The following ADAD2 variants were observed in gnomAD, a reference collection of about 807,000 sequenced individuals.
ADAD2 encodes adenosine deaminase domain containing 2, also known as adenosine deaminase domain-containing protein 2.
Under a neutral mutation model 54.5 loss-of-function variants are expected in ADAD2, and 60 were observed. That is an observed-to-expected ratio of 1.10 (90% CI 0.89 to 1.36). The LOEUF (loss-of-function observed/expected upper bound fraction) is 1.36. ADAD2 is among the 40% of genes most tolerant of loss of function. The probability of loss-of-function intolerance (pLI) is 0.00; values close to 1 mark genes in which losing one functional copy is unlikely to be tolerated. For synonymous variants in ADAD2, 543 were observed against 366.2 expected, an observed-to-expected ratio of 1.48 and a Z score of -5.51; for missense variants, 1,103 against 801.3, an observed-to-expected ratio of 1.38 and a Z score of -4.54.
Position 84,195,345 on chromosome 16 carries a change from T to C in ADAD2, c.783T>C (p.Ala261=). The change falls in exon 5 of 10, where the codon GCT becomes GCC. Residue 261 remains alanine, a synonymous_variant. Coordinates refer to ENST00000315906, the MANE Select transcript of ADAD2 (RefSeq NM_001145400.2). The stretch of plus-strand genomic sequence containing the variant: ...TGAAGGAGATCTACAAGCTGGTGGC[T>C]CTGGGCACCGGCAGCAGCTGCTGTG... The part of the protein sequence containing the change: ...GHVKEIYKLV[A]LGTGSSCCAG... 1 of 1,610,342 alleles carries C rather than the reference T, an allele frequency of 6.2e-7. No individual in the cohort carries two copies. Among genetic ancestry groups the C allele is most frequent in the South Asian group, 1.1e-5 (1 of 91,034 alleles).
chr16:84,194,909 G>A, intron 2 of ADAD2, 24 bp from the exon 3 acceptor site: 1 of 1,587,846 alleles, frequency 6.3e-7, no homozygotes, highest in Non-Finnish European at 8.6e-7. Flanking sequence ...ACCCACACCA[G>A]CCCGCCCTCC....
In ADAD2 at chr16:84,191,592, C is replaced by T. The variant is rs529653331; in HGVS notation, c.362C>T (p.Thr121Met). 2.0e-4 allele frequency: 303 copies of T among 1,550,958 alleles called. 6 individuals carry two copies. The South Asian group carries it at 3.4e-3, about 17-fold the overall frequency. ...GCCAGCCAGGCCGTGTCCTTGCTCA[C>T]GGAGTACGCGGCCAGCCTGGGCATC... ...PPASQAVSLL[T>M]EYAASLGIFL... is the part of the protein sequence containing the mutation. The change falls in exon 1 of 10, where the codon ACG becomes ATG. Residue 121 changes from threonine to methionine, a missense_variant. Coordinates refer to ENST00000315906, the MANE Select transcript of ADAD2 (RefSeq NM_001145400.2).
At chr16:84,191,846 C>G in intron 1 of ADAD2, 198 bp downstream of exon 1, 2 of 769,218 alleles carry the variant, frequency 2.6e-6, no homozygotes. Context: ...GGATCACCAG[C>G]CACACCAGAT....
intron 1 of ADAD2, chr16:84,193,349 T>G (rs1410837080): frequency 1.3e-5 from 2 of 152,238 alleles, no homozygotes; most frequent in African/African-American, 4.8e-5. Context: ...AAACAGTTCC[T>G]GTCTTTGTCT....
chr16:84,196,485 G>GCTCAACCCCTTCC, intron 8 of ADAD2, 115 bp downstream of exon 8: 1 of 1,544,670 alleles, frequency 6.5e-7, no homozygotes, highest in Non-Finnish European at 8.7e-7. Flanking sequence ...CAACCCCTTC[G>GCTCAACCCCTTCC]CTCAACCCCT....
chr16:84,195,954 G>A lies in ADAD2; in HGVS notation c.1192G>A (p.Asp398Asn), dbSNP rs2089724046. Reference protein sequence around the residue: ...DTHVGCLSASDKLARWAVLGL... With the variant: ...DTHVGCLSASNKLARWAVLGL... ...CCACGTGGGCTGCCTGTCAGCCAGT[G>A]ACAAGCTGGCACGCTGGGCCGTGCT... The change falls in exon 7 of 10, where the codon GAC (aspartate) becomes AAC (asparagine). Residue 398 changes from aspartate (D) to asparagine (N), a missense_variant. Transcript: ENST00000315906. The A allele has an allele frequency of 1.9e-6, 3 of 1,599,160 alleles. No individual in the cohort carries two copies. Among genetic ancestry groups the A allele is most frequent in the South Asian group, 1.1e-5 (1 of 91,036 alleles).
rs1338917663 is a variant in ADAD2 at position 84,196,209 on chromosome 16, G to T, written c.1365G>T (p.Leu455=). The part of the protein sequence containing the change: ...PCLDSVLGPC[L]PPPYVRTALH... Reference sequence around the variant, plus strand: ...TGGACAGTGTCCTGGGGCCATGCCTGCCACCTCCCTACGTCCGGACCGCCC... The same window carrying T: ...TGGACAGTGTCCTGGGGCCATGCCTTCCACCTCCCTACGTCCGGACCGCCC... Residue 455 remains leucine (L), a synonymous_variant, in exon 8 of 10, where the codon CTG becomes CTT. Transcript: ENST00000315906. The T allele has an allele frequency of 6.2e-7, 1 of 1,610,366 alleles. No individual in the cohort carries two copies. Among genetic ancestry groups the T allele is most frequent in the Non-Finnish European group, 8.5e-7 (1 of 1,179,898 alleles).
At chr16:84,194,912 C>T (rs372045898) in intron 2 of ADAD2, 21 bp from the exon 3 acceptor site, 250 of 1,589,664 alleles carry the variant, frequency 1.6e-4, no homozygotes, top group Admixed American at 8.2e-4. Context: ...CACACCAGCC[C>T]GCCCTCCTTG....
At chr16:84,194,029 C>T (rs747683078) in intron 1 of ADAD2, 2 of 1,601,364 alleles carry the variant, frequency 1.2e-6, no homozygotes, top group Non-Finnish European at 1.7e-6. Flanking sequence ...ATATAGAGCC[C>T]CTGGAGGAGA....
At position 84,195,983 on chromosome 16, in the gene ADAD2, G is replaced by A. The variant is rs1301311791; in HGVS notation, c.1221G>A (p.Gly407=). Residue 407 remains glycine (G), a synonymous_variant, in exon 7 of 10, where the codon GGG becomes GGA. Transcript: ENST00000315906. The part of the protein sequence containing the change: ...SDKLARWAVL[G]LGGALLAHLV... ...AGCTGGCACGCTGGGCCGTGCTGGG[G>A]CTGGGTGGTGCCCTGCTGGCCCACC... is the stretch of plus-strand genomic sequence containing the variant. 1.9e-6 allele frequency: 3 copies of A among 1,598,744 alleles called. No individual in the cohort carries two copies. Among genetic ancestry groups the A allele is most frequent in the East Asian group, 2.2e-5 (1 of 44,854 alleles).
At chr16:84,191,782 C>A in intron 1 of ADAD2, 134 bp downstream of exon 1, 2 of 1,351,052 alleles carry the variant, frequency 1.5e-6, no homozygotes, top group Non-Finnish European at 2.0e-6. Flanking sequence ...GGAGCAGGAC[C>A]TGGCCTGAGC....
chr16:84,191,437 TG>T lies in ADAD2; in HGVS notation c.211del (p.Ala71GlnfsTer77). 1 of 1,512,746 alleles carries T rather than the reference TG, an allele frequency of 6.6e-7. No homozygotes were observed. Among genetic ancestry groups the T allele is most frequent in the Admixed American group, 2.3e-5 (1 of 43,172 alleles). The allele number at this position is 1,512,746 out of a possible 1,614,324, so 93.7% of individuals were successfully genotyped here. A position where few individuals can be genotyped will look rare whatever the true frequency, so the allele number is the denominator to read the frequency against. Reference sequence around the variant, plus strand: ...TCTCGGTGTTGAGGGACAGTGGGCCTGGGGCAGGGGCCGGAGTCGGGGAACT... The same window carrying T: ...TCTCGGTGTTGAGGGACAGTGGGCCTGGGCAGGGGCCGGAGTCGGGGAACT... ...QVSVLRDSGP[G>X]AGAGVGELGA... On this transcript the variant is annotated frameshift_variant, in exon 1 of 10. Transcript: ENST00000315906. LOFTEE classifies it high-confidence loss of function.
intron 1 of ADAD2, chr16:84,194,140 C>A: frequency 6.2e-7 from 1 of 1,612,888 alleles, no homozygotes; most frequent in South Asian, 1.1e-5. Flanking sequence ...GGATTTGGGT[C>A]CTGACTCAAG....
intron 1 of ADAD2, chr16:84,191,929 G>C (rs2089661773): frequency 1.2e-5 from 7 of 560,350 alleles, no homozygotes; most frequent in African/African-American, 3.8e-5. Context: ...AGGCCCCCTG[G>C]TATTTCTGTA....
intron 1 of ADAD2, 45 bp from the exon 2 acceptor site, chr16:84,194,397 G>T: frequency 6.3e-7 from 1 of 1,587,160 alleles, no homozygotes; most frequent in Non-Finnish European, 8.5e-7. Context: ...ACCTGTCACA[G>T]GGCGAAGGCC....
intron 2 of ADAD2, 33 bp from the exon 3 acceptor site, chr16:84,194,900 C>G (rs767709118): frequency 6.3e-7 from 1 of 1,579,300 alleles, no homozygotes; most frequent in South Asian, 1.2e-5. Context: ...GGCCTTGGCA[C>G]CCACACCAGC....
In ADAD2 at chr16:84,194,141, C is replaced by T. The variant is rs774852165; in HGVS notation, c.419-301C>T. The T allele has an allele frequency of 2.5e-6, 4 of 1,613,110 alleles. No homozygotes were observed. In the East Asian group the frequency reaches 8.9e-5, roughly 36 times the overall value. ...TGGAGAGGGGACCTGGATTTGGGTCCTGACTCAAGTTGGGCAAACCGCCTG... is the reference window on the plus strand; with the variant it reads ...TGGAGAGGGGACCTGGATTTGGGTCTTGACTCAAGTTGGGCAAACCGCCTG... On this transcript the variant is annotated intron_variant, in intron 1 of 9. Coordinates refer to ENST00000315906, the MANE Select transcript of ADAD2 (RefSeq NM_001145400.2).
chr16:84,197,031 T>G lies in ADAD2; in HGVS notation c.*57T>G. The G allele has an allele frequency of 6.6e-7, 1 of 1,511,406 alleles. No homozygotes were observed. Among genetic ancestry groups the G allele is most frequent in the African/African-American group, 1.4e-5 (1 of 72,332 alleles). The allele number at this position is 1,511,406 out of a possible 1,614,324, so 93.6% of individuals were successfully genotyped here. ...CCAAGCTGTACCCCTGCTGGGGGAGTGCCCTATCTGAGGAGCGTTGTGGGG... is the reference window on the plus strand; with the variant it reads ...CCAAGCTGTACCCCTGCTGGGGGAGGGCCCTATCTGAGGAGCGTTGTGGGG... On this transcript the variant is annotated 3_prime_UTR_variant, in exon 10 of 10. Transcript: ENST00000315906.
rs535436433 is a variant in ADAD2 at position 84,194,787 on chromosome 16, C to G, written c.560-146C>G. The G allele has an allele frequency of 7.1e-6, 9 of 1,262,634 alleles. No homozygotes were observed. The African/African-American group carries it at 8.9e-5, about 13-fold the overall frequency. The allele number at this position is 1,262,634 out of a possible 1,614,324, so 78.2% of individuals were successfully genotyped here. On this transcript the variant is annotated intron_variant, in intron 2 of 9. Transcript: ENST00000315906. ...CTGCTTTCACGTCCTCTGGGGACAC[C>G]GGGGGTAGGGACCGCTAGAAGAGCA...
Sources: allele counts gnomAD v4.1 joint callset, GRCh38; gene constraint gnomAD v4.1.1; transcripts MANE v1.5; gene names NCBI Gene and HGNC (gene_info 2026-07-23, HGNC 2026-07-21).